GYPC: variants seen among roughly 807,000 people sequenced by gnomAD.
GYPC encodes glycophorin-C.
A neutral mutation model predicts 12.6 loss-of-function variants in GYPC; 14 were observed. That is an observed-to-expected ratio of 1.11 (90% CI 0.74 to 1.74). The LOEUF is 1.74. Among genes scored for constraint, GYPC ranks in the 40% most tolerant of loss-of-function variants. The pLI is 0.00. For synonymous variants in GYPC, 78 were observed against 62.1 expected (o/e 1.26, Z -1.20); for missense variants, 225 against 172.1 (o/e 1.31, Z -1.72).
chr2:126,675,685 G>T, intron 1 of GYPC: 1 of 985,174 alleles, frequency 1.0e-6, no homozygotes, highest in South Asian at 4.7e-5. Context: ...GTCACTACCC[G>T]AGAAAACGCA....
intron 1 of GYPC, chr2:126,678,783 G>A (rs966347217): frequency 1.3e-5 from 2 of 152,206 alleles, no homozygotes; most frequent in Admixed American, 1.3e-4. Flanking sequence ...ATGTAGCCAC[G>A]AACCTCCTCC....
chr2:126,659,354 G>A (rs184306678), intron 1 of GYPC, among the ~76,000 whole-genome samples: 4 of 152,314 alleles, frequency 2.6e-5, no homozygotes, highest in East Asian at 3.9e-4. Context: ...ATCACATGAC[G>A]AGTGAGGGGC....
chr2:126,688,891 A>G (rs577058846), intron 1 of GYPC, among the ~76,000 whole-genome samples: 56 of 151,532 alleles, frequency 3.7e-4, no homozygotes, highest in Non-Finnish European at 6.3e-4. Flanking sequence ...ATTATGAAGC[A>G]TCCTTCTCTG....
At chr2:126,682,623 C>T (rs966071221) in intron 1 of GYPC, among the ~76,000 whole-genome samples, 7 of 152,170 alleles carry the variant, frequency 4.6e-5, no homozygotes, top group South Asian at 2.1e-4. Flanking sequence ...GATCCCTCAG[C>T]GTGATGAAGA....
chr2:126,687,404 T>C (rs1027288373), intron 1 of GYPC, among the ~76,000 whole-genome samples: 3 of 152,228 alleles, frequency 2.0e-5, no homozygotes, highest in Non-Finnish European at 4.4e-5. Flanking sequence ...AATTTCTATT[T>C]CTAACAGGCT....
In GYPC at chr2:126,660,440, C is replaced by T. The variant is rs1046313438; in HGVS notation, c.49+4128C>T. Among the ~76,000 whole-genome samples, 8 of 152,312 alleles carry T rather than the reference C, an allele frequency of 5.3e-5. 1 individual carries two copies. Among genetic ancestry groups the T allele is most frequent in the African/African-American group, 1.4e-4 (6 of 41,578 alleles). The stretch of plus-strand genomic sequence containing the variant: ...TCACGACAGGCCCCTCAACACGCCG[C>T]GGGCCTGGCACACACTCACCTGCTG... On this transcript the variant is annotated intron_variant, in intron 1 of 3. Transcript: ENST00000259254.
At chr2:126,687,756 G>A (rs1305896375) in intron 1 of GYPC, among the ~76,000 whole-genome samples, 2 of 152,200 alleles carry the variant, frequency 1.3e-5, no homozygotes, top group African/African-American at 2.4e-5. Flanking sequence ...ATGAGGCCCC[G>A]AAGCTCTCAG....
intron 1 of GYPC, among the ~76,000 whole-genome samples, chr2:126,680,633 G>C (rs1683126395): frequency 6.6e-6 from 1 of 152,208 alleles, no homozygotes; most frequent in Non-Finnish European, 1.5e-5. Context: ...GCAGAAGCAA[G>C]GGACTGGGGG....
At chr2:126,662,844 G>A (rs1421404491) in intron 1 of GYPC, among the ~76,000 whole-genome samples, 1 of 152,074 alleles carries the variant, frequency 6.6e-6, no homozygotes, top group Non-Finnish European at 1.5e-5. Flanking sequence ...CTCACTGAGT[G>A]TGTGCGTGTG....
rs144320100 is a variant in GYPC, at chr2:126,690,297, C to T, written c.92C>T (p.Thr31Ile). 230 of 1,611,094 alleles carry T rather than the reference C, an allele frequency of 1.4e-4. No individual in the cohort carries two copies. Among genetic ancestry groups the T allele is most frequent in the Non-Finnish European group, 1.8e-4 (216 of 1,177,306 alleles). Residue 31 changes from threonine (T) to isoleucine (I), a missense_variant, in exon 2 of 4, where the codon ACT becomes ATT. Physicochemically the swap from Thr to Ile is moderately conservative, Grantham distance 89 (BLOSUM62 -1). Coordinates refer to ENST00000259254, the MANE Select transcript of GYPC (RefSeq NM_002101.5). ...GCCTCTGCCTCCACCACAATGCATA[C>T]TACCACCATTGCAGGTGAGTTCTCA... ...GMASASTTMH[T>I]TTIAEPDPGM...
chr2:126,696,286 G>T lies in GYPC; in HGVS notation c.*144G>T. ...CCGAGATAGCCACCTGGAAACACTAGGTGCCTGCCCAGGGAGGAACGGAGG... is the reference window on the plus strand; with the variant it reads ...CCGAGATAGCCACCTGGAAACACTATGTGCCTGCCCAGGGAGGAACGGAGG... On this transcript the variant is annotated 3_prime_UTR_variant, in exon 4 of 4. Transcript: ENST00000259254. The T allele has an allele frequency of 1.4e-6, 1 of 728,882 alleles. No homozygotes were observed. The highest frequency in any genetic ancestry group is 2.4e-6 in the Non-Finnish European group (1 of 409,100). 45.2% of individuals were successfully genotyped at this position (728,882 alleles called of 1,614,324 possible).
Position 126,686,296 on chromosome 2 carries a change from C to T in GYPC, c.50-3959C>T, listed in dbSNP as rs551114675. On this transcript the variant is annotated intron_variant, in intron 1 of 3. Coordinates refer to ENST00000259254, the MANE Select transcript of GYPC (RefSeq NM_002101.5). ...CTGAGGTTCTGCACCCCAACAGCTG[C>T]ACTCAAGCTGCCAACTGAAGCAGAG... The T allele has an allele frequency of 1.5e-5, 15 of 985,722 alleles. No homozygotes were observed. The South Asian group carries it at 7.0e-4, about 46-fold the overall frequency. 61.1% of individuals were successfully genotyped at this position (985,722 alleles called of 1,614,324 possible). A position where few individuals can be genotyped will look rare whatever the true frequency, so the allele number is the denominator to read the frequency against.
rs628693 is a variant in GYPC, at chr2:126,689,122, A to G, written c.50-1133A>G. On this transcript the variant is annotated intron_variant, in intron 1 of 3. Coordinates refer to ENST00000259254, the MANE Select transcript of GYPC (RefSeq NM_002101.5). ...AAAAACACACTCAGTAACTTGGATAATGTCATAGAGTGGTCCTTCCCACAG... is the reference window on the plus strand; with the variant it reads ...AAAAACACACTCAGTAACTTGGATAGTGTCATAGAGTGGTCCTTCCCACAG... Among the ~76,000 whole-genome samples, 209 of 152,274 alleles carry G rather than the reference A, an allele frequency of 1.4e-3. 1 individual carries two copies. The highest frequency in any genetic ancestry group is 1.8e-3 in the Non-Finnish European group (120 of 68,026).
chr2:126,691,570 C>A (rs1271888217), intron 2 of GYPC, among the ~76,000 whole-genome samples: 1 of 152,202 alleles, frequency 6.6e-6, no homozygotes, highest in South Asian at 2.1e-4. Flanking sequence ...AACCACACAA[C>A]CTGCCCCAAG....
chr2:126,685,243 A>C (rs1683252852), intron 1 of GYPC, among the ~76,000 whole-genome samples: 1 of 152,168 alleles, frequency 6.6e-6, no homozygotes, highest in Admixed American at 6.5e-5. Context: ...TAGGAAGAAA[A>C]ACCACAGTGC....
At position 126,686,321 on chromosome 2, in the gene GYPC, G is replaced by C. The variant is rs888002659; in HGVS notation, c.50-3934G>C. The stretch of plus-strand genomic sequence containing the variant: ...CACTCAAGCTGCCAACTGAAGCAGA[G>C]AGCACTGCCCGCACTGCAGGGTTGT... On this transcript the variant is annotated intron_variant, in intron 1 of 3. Coordinates refer to ENST00000259254, the MANE Select transcript of GYPC (RefSeq NM_002101.5). 4 of 985,636 alleles carry C rather than the reference G, an allele frequency of 4.1e-6. No individual in the cohort carries two copies. The East Asian group carries it at 3.4e-4, about 84-fold the overall frequency. The allele number at this position is 985,636 out of a possible 1,614,324, so 61.1% of individuals were successfully genotyped here.
chr2:126,681,195 G>A (rs566009111), intron 1 of GYPC, among the ~76,000 whole-genome samples: 9 of 152,186 alleles, frequency 5.9e-5, no homozygotes, highest in African/African-American at 7.2e-5. Flanking sequence ...TCTTTTCATC[G>A]CTTTGTTTTA....
At chr2:126,675,103 T>C (rs1046850662) in intron 1 of GYPC, among the ~76,000 whole-genome samples, 2 of 152,046 alleles carry the variant, frequency 1.3e-5, no homozygotes, top group African/African-American at 4.8e-5. Flanking sequence ...TGGCTCCTGC[T>C]GAGCACACCC....
At chr2:126,668,935 C>T (rs371647423) in intron 1 of GYPC, among the ~76,000 whole-genome samples, 69 of 152,300 alleles carry the variant, frequency 4.5e-4, no homozygotes, top group Admixed American at 1.8e-3. Flanking sequence ...ATTCAGGTTT[C>T]GGATCGAATT....
Sources: gnomAD v4.1 joint callset for allele counts (sites outside exome capture counted in the v4.1 genomes callset) on GRCh38, gnomAD v4.1.1 for gene constraint, MANE v1.5 for transcripts, NCBI Gene and HGNC (gene_info 2026-07-23, HGNC 2026-07-21) for gene names.